TTC39C: variants seen among roughly 807,000 people sequenced by gnomAD.
The protein encoded by TTC39C is tetratricopeptide repeat domain 39C.
In TTC39C, 33 loss-of-function variants were observed where a neutral mutation model predicts 76.3. The ratio of observed to expected loss-of-function variants is 0.43; its 90% confidence interval spans 0.33 to 0.58. TTC39C has a LOEUF of 0.58. TTC39C is among the 20% of genes least tolerant of loss of function. The pLI is 0.04. For missense variants in TTC39C, 595 were observed against 701.4 expected, an observed-to-expected ratio of 0.85 and a Z score of 1.71; for synonymous variants, 254 against 260.6, an observed-to-expected ratio of 0.97 and a Z score of 0.24.
At chr18:24,057,577 T>C (rs1358695247) in intron 1 of TTC39C, among the ~76,000 whole-genome samples, 1 of 152,244 alleles carries the variant, frequency 6.6e-6, no homozygotes, top group Non-Finnish European at 1.5e-5. Context: ...TACTCTTTTG[T>C]GTCTAGCTTC....
chr18:24,036,593 T>C (rs2083735701), intron 1 of TTC39C, among the ~76,000 whole-genome samples: 1 of 152,222 alleles, frequency 6.6e-6, no homozygotes, highest in African/African-American at 2.4e-5. Flanking sequence ...TTGTTTCTTT[T>C]AACCATTCCT....
intron 4 of TTC39C, among the ~76,000 whole-genome samples, chr18:24,076,410 C>T (rs930612841): frequency 1.3e-5 from 2 of 152,020 alleles, no homozygotes; most frequent in Admixed American, 6.6e-5. Context: ...TCTTAAATAG[C>T]GTGTTCTCTG....
At chr18:24,015,275 GC>G in intron 1 of TTC39C, 1 of 389,560 alleles carries the variant, frequency 2.6e-6, no homozygotes, top group Non-Finnish European at 4.6e-6. Context: ...CCGCGCGCCC[GC>G]CCCGCGCGCC....
intron 6 of TTC39C, among the ~76,000 whole-genome samples, chr18:24,088,379 A>G (rs535680024): frequency 6.6e-6 from 1 of 152,332 alleles, no homozygotes; most frequent in South Asian, 2.1e-4. Flanking sequence ...ATAGGTAAAA[A>G]TCATGTTGGT....
chr18:24,117,762 G>A (rs546676798), intron 7 of TTC39C, among the ~76,000 whole-genome samples: 11 of 152,160 alleles, frequency 7.2e-5, no homozygotes, highest in South Asian at 2.1e-4. Context: ...TAATCGAGTG[G>A]TGTTGCTTCC....
intron 1 of TTC39C, among the ~76,000 whole-genome samples, chr18:23,999,744 C>A (rs914850776): frequency 6.6e-6 from 1 of 152,194 alleles, no homozygotes; most frequent in Admixed American, 6.5e-5. Flanking sequence ...GAAGGTGAGA[C>A]TGGGAAGCTG....
intron 3 of TTC39C, among the ~76,000 whole-genome samples, chr18:24,066,778 CCTCTG>C: frequency 6.6e-6 from 1 of 152,296 alleles, no homozygotes; most frequent in East Asian, 1.9e-4. Flanking sequence ...GAGTGTTTCA[CCTCTG>C]CTCTTGTTTA....
intron 8 of TTC39C, among the ~76,000 whole-genome samples, chr18:24,118,806 C>T (rs971069181): frequency 6.6e-6 from 1 of 152,024 alleles, no homozygotes; most frequent in African/African-American, 2.4e-5. Context: ...GCATGCCCTA[C>T]CACGCCCAGC....
At chr18:24,087,629 G>A (rs1224086692) in intron 6 of TTC39C, among the ~76,000 whole-genome samples, 2 of 140,714 alleles carry the variant, frequency 1.4e-5, no homozygotes, top group African/African-American at 5.2e-5. Flanking sequence ...CTGTCACCCA[G>A]GCTGGAGTAC....
At chr18:24,013,423 T>C (rs184100171), upstream of TTC39C, among the ~76,000 whole-genome samples, 3 of 152,352 alleles carry the variant, frequency 2.0e-5, no homozygotes, top group East Asian at 3.9e-4. Context: ...GATGGTACAA[T>C]TTACAAAATA....
At chr18:24,111,385 A>G (rs900431471) in intron 6 of TTC39C, among the ~76,000 whole-genome samples, 4 of 151,882 alleles carry the variant, frequency 2.6e-5, no homozygotes, top group African/African-American at 7.2e-5. Context: ...CCTGGTCAAT[A>G]TGGTGAAACC....
intron 6 of TTC39C, among the ~76,000 whole-genome samples, chr18:24,094,973 T>C (rs916071447): frequency 2.6e-5 from 4 of 152,274 alleles, no homozygotes; most frequent in African/African-American, 9.6e-5. Context: ...CTTCTCAAGC[T>C]ATGAAAATTC....
At chr18:24,065,083 G>A (rs1258599726) in intron 2 of TTC39C, among the ~76,000 whole-genome samples, 1 of 152,238 alleles carries the variant, frequency 6.6e-6, no homozygotes, top group Non-Finnish European at 1.5e-5. Context: ...TCTTGGCTGA[G>A]TCTGGTGGTG....
intron 8 of TTC39C, among the ~76,000 whole-genome samples, chr18:24,123,227 C>T (rs1413369512): frequency 2.0e-5 from 3 of 152,224 alleles, no homozygotes; most frequent in African/African-American, 2.4e-5. Flanking sequence ...TACACTGTGA[C>T]AGTAGCTAAG....
chr18:24,081,527 TTTTG>T (rs2084375320), intron 5 of TTC39C, among the ~76,000 whole-genome samples: 1 of 152,192 alleles, frequency 6.6e-6, no homozygotes, highest in African/African-American at 2.4e-5. Context: ...GTGATGTGTT[TTTTG>T]TTTGTTTGTT....
At chr18:24,022,138 A>C (rs1211780153) in intron 1 of TTC39C, among the ~76,000 whole-genome samples, 1 of 152,190 alleles carries the variant, frequency 6.6e-6, no homozygotes, top group East Asian at 1.9e-4. Flanking sequence ...TGTAGGTGAT[A>C]TGCAAATACT....
intron 4 of TTC39C, among the ~76,000 whole-genome samples, chr18:24,077,538 T>C: frequency 6.6e-6 from 1 of 152,224 alleles, no homozygotes; most frequent in East Asian, 1.9e-4. Context: ...TATTTTTTCC[T>C]TTGTTTATTT....
At position 24,042,478 on chromosome 18, in the gene TTC39C, C is replaced by T. The variant is rs149108446; in HGVS notation, c.168-21662C>T. On this transcript the variant is annotated intron_variant, in intron 1 of 13. Transcript: ENST00000317571. ...GCTGCTGATCTGACAGGAGGTGGAGCGCAGGTGGTAATGCTCGCTCGCCTG... is the reference window on the plus strand; with the variant it reads ...GCTGCTGATCTGACAGGAGGTGGAGTGCAGGTGGTAATGCTCGCTCGCCTG... Among the ~76,000 whole-genome samples, 278 of 152,264 alleles carry T rather than the reference C, an allele frequency of 1.8e-3. 2 individuals are homozygous for T. The highest frequency in any genetic ancestry group is 6.2e-3 in the African/African-American group (258 of 41,552).
rs955429689 is a variant in TTC39C at position 24,132,426 on chromosome 18, C to T, written c.1663-59C>T. The T allele has an allele frequency of 2.7e-6, 4 of 1,491,242 alleles. No individual in the cohort carries two copies. The African/African-American group carries it at 5.5e-5, about 21-fold the overall frequency. 92.4% of individuals were successfully genotyped at this position (1,491,242 alleles called of 1,614,324 possible). On this transcript the variant is annotated intron_variant, in intron 13 of 13. Transcript: ENST00000317571. ...GCAAAATTGAGTGTGCTTTATACCA[C>T]AGTACCCTGTGCAAGCTTAGCTAAC...
Sources: gnomAD v4.1 joint callset for allele counts (sites outside exome capture counted in the v4.1 genomes callset) on GRCh38, gnomAD v4.1.1 for gene constraint, MANE v1.5 for transcripts, NCBI Gene and HGNC (gene_info 2026-07-23, HGNC 2026-07-21) for gene names.